P2RX3: variants seen among roughly 807,000 people sequenced by gnomAD.
P2RX3 encodes P2X purinoceptor 3.
A neutral mutation model predicts 51.5 loss-of-function variants in P2RX3; 41 were observed. That is an observed-to-expected ratio of 0.80 (90% CI 0.62 to 1.03). The LOEUF (loss-of-function observed/expected upper bound fraction) is 1.03, where lower values mean the gene tolerates loss of function less well. P2RX3 is among the 50% of genes least tolerant of loss of function. P2RX3 has a pLI of 0.00. For missense variants in P2RX3, 459 were observed against 522.1 expected (o/e 0.88, Z 1.18); for synonymous variants, 185 against 191.6 (o/e 0.97, Z 0.29).
intron 1 of P2RX3, among the ~76,000 whole-genome samples, chr11:57,343,127 T>C (rs1180421330): frequency 6.6e-6 from 1 of 152,246 alleles, no homozygotes; most frequent in Non-Finnish European, 1.5e-5. Flanking sequence ...CCCTTCTTTC[T>C]AGCTGCCTTG....
At chr11:57,360,852 G>T (rs964262319) in intron 8 of P2RX3, among the ~76,000 whole-genome samples, 8 of 151,784 alleles carry the variant, frequency 5.3e-5, no homozygotes, top group African/African-American at 1.9e-4. Context: ...CTCATAGTCC[G>T]TAGTCCAAAT....
chr11:57,359,364 A>G (rs3781900), intron 8 of P2RX3, among the ~76,000 whole-genome samples: 51,571 of 152,114 alleles, frequency 0.34, 10,533 homozygotes, highest in East Asian at 0.64. Flanking sequence ...GTCCACCTGC[A>G]GGGCTGCCCA....
At chr11:57,360,661 G>C (rs944288103) in intron 8 of P2RX3, among the ~76,000 whole-genome samples, 1 of 151,770 alleles carries the variant, frequency 6.6e-6, no homozygotes, top group Non-Finnish European at 1.5e-5. Flanking sequence ...TGGGCATGGT[G>C]GTGCACACCT....
intron 4 of P2RX3, 130 bp downstream of exon 4, chr11:57,347,608 C>A: frequency 9.8e-7 from 1 of 1,019,018 alleles, no homozygotes; most frequent in Non-Finnish European, 1.5e-6. Flanking sequence ...CAGTTGCTCC[C>A]TGGGTGCCAC....
At chr11:57,349,627 A>C in intron 6 of P2RX3, 130 bp from the exon 7 acceptor site, 1 of 1,064,760 alleles carries the variant, frequency 9.4e-7, no homozygotes, top group Non-Finnish European at 1.4e-6. Flanking sequence ...GGGGAGGGAG[A>C]TGGCGAGGTC....
rs998602486 is a variant in P2RX3 at position 57,354,668 on chromosome 11, C to T, written c.842+3770C>T. 2.6e-5 allele frequency among the ~76,000 whole-genome samples: 4 copies of T among 151,620 alleles called. No homozygotes were observed. In the South Asian group the frequency reaches 6.3e-4, roughly 24 times the overall value. ...GTGTGTGTGAGTGTGTGTGCACATG[C>T]GAGTTCGTGAGAGTGGGTGTATTTG... On this transcript the variant is annotated intron_variant, in intron 8 of 11. Coordinates refer to ENST00000263314, the MANE Select transcript of P2RX3 (RefSeq NM_002559.5).
intron 5 of P2RX3, 128 bp downstream of exon 5, chr11:57,348,391 TG>T: frequency 4.2e-6 from 4 of 946,200 alleles, no homozygotes; most frequent in Non-Finnish European, 3.1e-6. Flanking sequence ...CTTCCTGGTG[TG>T]GGGGGTGGCC....
At chr11:57,347,819 T>C (rs1590626630) in intron 4 of P2RX3, among the ~76,000 whole-genome samples, 1 of 152,140 alleles carries the variant, frequency 6.6e-6, no homozygotes. Context: ...ACATTTGGGA[T>C]GGTCCCTGAA....
intron 10 of P2RX3, among the ~76,000 whole-genome samples, chr11:57,368,710 G>A (rs559686691): frequency 3.4e-4 from 52 of 152,250 alleles, no homozygotes; most frequent in African/African-American, 1.2e-3. Context: ...GTTTCTCACC[G>A]TATAGCTGGG....
chr11:57,337,991 C>T (rs879579398), upstream of P2RX3, among the ~76,000 whole-genome samples: 30 of 152,246 alleles, frequency 2.0e-4, no homozygotes, highest in African/African-American at 5.3e-4. Context: ...TCCCCCTGAC[C>T]CATGCCACTG....
Position 57,349,821 on chromosome 11 carries a change from G to A in P2RX3, c.628G>A (p.Asp210Asn). ...GACCTGCCGCTTCCACCCGGACAAGGACCCTTTCTGCCCCATCTTGCGGGT... is the reference window on the plus strand; with the variant it reads ...GACCTGCCGCTTCCACCCGGACAAGAACCCTTTCTGCCCCATCTTGCGGGT... ...MKTCRFHPDK[D>N]PFCPILRVGD... The change falls in exon 7 of 12, where the codon GAC becomes AAC. Residue 210 changes from aspartate to asparagine, a missense_variant. Physicochemically the swap from Asp to Asn is conservative, Grantham distance 23. Transcript: ENST00000263314. The A allele has an allele frequency of 6.2e-7, 1 of 1,614,208 alleles. No individual in the cohort carries two copies. Among genetic ancestry groups the A allele is most frequent in the Non-Finnish European group, 8.5e-7 (1 of 1,180,038 alleles).
rs1856832363 is a variant in P2RX3 at position 57,368,520 on chromosome 11, CA to C, written c.1002+87del. 5 of 1,470,490 alleles carry C rather than the reference CA, an allele frequency of 3.4e-6. No homozygotes were observed. In the Admixed American group the frequency reaches 6.8e-5, roughly 20 times the overall value. The allele number at this position is 1,470,490 out of a possible 1,614,324, so 91.1% of individuals were successfully genotyped here. A position where few individuals can be genotyped will look rare whatever the true frequency, so the allele number is the denominator to read the frequency against. ...CCAGCAGGCAGGGGAGTGACGGCGG[CA>C]AAACTCTGCCTCTGCCTGGAATGTA... is the stretch of plus-strand genomic sequence containing the variant. On this transcript the variant is annotated intron_variant, in intron 10 of 11. Coordinates refer to ENST00000263314, the MANE Select transcript of P2RX3 (RefSeq NM_002559.5).
At chr11:57,352,254 T>C (rs750908106) in intron 8 of P2RX3, among the ~76,000 whole-genome samples, 5 of 152,168 alleles carry the variant, frequency 3.3e-5, no homozygotes, top group Non-Finnish European at 7.3e-5. Flanking sequence ...TAGTTTAAAA[T>C]ATACATGTAT....
chr11:57,350,001 A>T, intron 7 of P2RX3, 103 bp downstream of exon 7: 1 of 1,512,416 alleles, frequency 6.6e-7, no homozygotes, highest in South Asian at 1.2e-5. Flanking sequence ...CCGCCGCGAG[A>T]CAGCGCCACC....
chr11:57,351,668 G>T lies in P2RX3; in HGVS notation c.842+770G>T, dbSNP rs570635869. 1.5e-3 allele frequency among the ~76,000 whole-genome samples: 227 copies of T among 152,256 alleles called. 1 individual carries two copies. Among genetic ancestry groups the T allele is most frequent in the South Asian group, 7.3e-3 (35 of 4,822 alleles). On this transcript the variant is annotated intron_variant, in intron 8 of 11. Coordinates refer to ENST00000263314, the MANE Select transcript of P2RX3 (RefSeq NM_002559.5). ...GATTCAATTAACCAATGTGTGAAAA[G>T]CTTCAGCTTTCTGTTTTGTTTCTCT...
At chr11:57,361,418 T>C (rs1856716803) in intron 8 of P2RX3, among the ~76,000 whole-genome samples, 1 of 152,268 alleles carries the variant, frequency 6.6e-6, no homozygotes, top group South Asian at 2.1e-4. Context: ...CCACATGCAT[T>C]AGCTATTTAT....
chr11:57,358,270 G>T (rs1856660969), intron 8 of P2RX3, among the ~76,000 whole-genome samples: 1 of 152,168 alleles, frequency 6.6e-6, no homozygotes, highest in African/African-American at 2.4e-5. Flanking sequence ...TCAGGCATCG[G>T]CAGGGAAACC....
chr11:57,370,207 C>T lies in P2RX3; in HGVS notation c.*210C>T. Reference sequence around the variant, plus strand: ...ACCCCAATCTCACCTTCACTCCTTGCCTGGCCCCATCTGCTTCCTAGGACC... The same window carrying T: ...ACCCCAATCTCACCTTCACTCCTTGTCTGGCCCCATCTGCTTCCTAGGACC... On this transcript the variant is annotated 3_prime_UTR_variant, in exon 12 of 12. Transcript: ENST00000263314. 1 of 551,844 alleles carries T rather than the reference C, an allele frequency of 1.8e-6. No individual in the cohort carries two copies. The highest frequency in any genetic ancestry group is 3.2e-6 in the Non-Finnish European group (1 of 309,352). 34.2% of individuals were successfully genotyped at this position (551,844 alleles called of 1,614,324 possible).
At chr11:57,368,318 T>G in intron 9 of P2RX3, 54 bp from the exon 10 acceptor site, 1 of 1,593,932 alleles carries the variant, frequency 6.3e-7, no homozygotes, top group East Asian at 2.2e-5. Context: ...GCCTCGGGCC[T>G]CACCCCCATC....
Sources: gnomAD v4.1 joint callset for allele counts (sites outside exome capture counted in the v4.1 genomes callset) on GRCh38, gnomAD v4.1.1 for gene constraint, MANE v1.5 for transcripts, NCBI Gene and HGNC (gene_info 2026-07-23, HGNC 2026-07-21) for gene names.